GRIK2: variants seen among roughly 807,000 people sequenced by gnomAD.
The protein encoded by GRIK2 is glutamate ionotropic receptor kainate type subunit 2, also known as glutamate receptor ionotropic, kainate 2.
Under a neutral mutation model 100.3 loss-of-function variants are expected in GRIK2, and 32 were observed. The observed-to-expected ratio is 0.32, with a 90% CI of 0.24 to 0.43. GRIK2 has a LOEUF of 0.43. Ranked by LOEUF, GRIK2 falls within the 20% of genes least tolerant of loss-of-function variation. The pLI is 1.00. For synonymous variants in GRIK2, 417 were observed against 389.4 expected (o/e 1.07, Z -0.83); for missense variants, 843 against 1,114.9 (o/e 0.76, Z 3.47).
At chr6:102,025,771 TACGC>T (rs1769662289) in intron 14 of GRIK2, among the ~76,000 whole-genome samples, 1 of 151,284 alleles carries the variant, frequency 6.6e-6, no homozygotes, top group Admixed American at 6.6e-5. Context: ...TTGGTAAATC[TACGC>T]ACACACAGTG....
At position 101,724,806 on chromosome 6, in the gene GRIK2, A is replaced by G. The variant is rs188229425; in HGVS notation, c.951+38453A>G. On this transcript the variant is annotated intron_variant, in intron 7 of 16. Coordinates refer to ENST00000369134, the MANE Select transcript of GRIK2 (RefSeq NM_021956.5). ...ACCTAATTCAGTGACAGAATAAGTG[A>G]TATGCCTGAAAAATCTAAGAGTTCT... Among the ~76,000 whole-genome samples, 42 of 152,096 alleles carry G rather than the reference A, an allele frequency of 2.8e-4. No homozygotes were observed. In the East Asian group the frequency reaches 8.0e-3, roughly 29 times the overall value.
chr6:101,540,490 A>G (rs1775933045), intron 2 of GRIK2, among the ~76,000 whole-genome samples: 2 of 152,002 alleles, frequency 1.3e-5, no homozygotes, highest in Non-Finnish European at 2.9e-5. Context: ...TGCCTGAATC[A>G]AAACATCTCA....
chr6:101,446,280 A>ACTC (rs538411248), intron 2 of GRIK2, among the ~76,000 whole-genome samples: 6 of 151,854 alleles, frequency 4.0e-5, no homozygotes, highest in Admixed American at 6.6e-5. Context: ...TTAGAAGTAT[A>ACTC]CTCCTGATAG....
Position 101,445,946 on chromosome 6 carries a change from T to G in GRIK2, c.115+46554T>G, listed in dbSNP as rs114081616. ...ATACAGTTTTACATCTATAAGGCCC[T>G]AATATTATAATCATTCCATAGGCAC... On this transcript the variant is annotated intron_variant, in intron 2 of 16. Transcript: ENST00000369134. Among the ~76,000 whole-genome samples the G allele has an allele frequency of 9.6e-3, 1,467 of 152,176 alleles. 10 individuals carry two copies. The highest frequency in any genetic ancestry group is 0.031 in the African/African-American group (1,274 of 41,556).
At chr6:101,681,495 G>C (rs971308735) in intron 5 of GRIK2, among the ~76,000 whole-genome samples, 1 of 148,046 alleles carries the variant, frequency 6.8e-6, no homozygotes, top group Non-Finnish European at 1.5e-5. Flanking sequence ...TTGGTTTCCC[G>C]AAGTCCAGGG....
rs181276136 is a variant in GRIK2 at position 101,957,721 on chromosome 6, G to A, written c.2085+29089G>A. On this transcript the variant is annotated intron_variant, in intron 14 of 16. Coordinates refer to ENST00000369134, the MANE Select transcript of GRIK2 (RefSeq NM_021956.5). ...TAATTTGTATATGGTGAGAGATATGGATCTAGTTTCATTCCTCTATGTATG... is the reference window on the plus strand; with the variant it reads ...TAATTTGTATATGGTGAGAGATATGAATCTAGTTTCATTCCTCTATGTATG... Among the ~76,000 whole-genome samples the A allele has an allele frequency of 2.7e-3, 415 of 152,074 alleles. 2 individuals are homozygous for A. The highest frequency in any genetic ancestry group is 9.7e-3 in the African/African-American group (402 of 41,524).
chr6:101,980,043 T>C (rs1793620941), intron 14 of GRIK2, among the ~76,000 whole-genome samples: 1 of 151,732 alleles, frequency 6.6e-6, no homozygotes, highest in South Asian at 2.1e-4. Context: ...TTTGAAGGAG[T>C]GACATTTAAC....
Position 101,778,997 on chromosome 6 carries a change from T to C in GRIK2, c.952-20651T>C, listed in dbSNP as rs536370330. On this transcript the variant is annotated intron_variant, in intron 7 of 16. Coordinates refer to ENST00000369134, the MANE Select transcript of GRIK2 (RefSeq NM_021956.5). ...TCATAGAATCTATTATTTCTGTTTTTTATATTTGGAGATATTTTAATTATA... is the reference window on the plus strand; with the variant it reads ...TCATAGAATCTATTATTTCTGTTTTCTATATTTGGAGATATTTTAATTATA... 5.9e-5 allele frequency among the ~76,000 whole-genome samples: 9 copies of C among 152,172 alleles called. No individual in the cohort carries two copies. The South Asian group carries it at 1.7e-3, about 28-fold the overall frequency.
chr6:101,794,704 C>CT (rs1363617947), intron 7 of GRIK2, among the ~76,000 whole-genome samples: 1 of 151,134 alleles, frequency 6.6e-6, no homozygotes, highest in African/African-American at 2.4e-5. Flanking sequence ...TATTTTGAAT[C>CT]TTTTTTCAGG....
chr6:101,882,095 G>T (rs1369074013), intron 11 of GRIK2, among the ~76,000 whole-genome samples: 1 of 151,928 alleles, frequency 6.6e-6, no homozygotes, highest in Non-Finnish European at 1.5e-5. Flanking sequence ...GATCTCATGA[G>T]ACTTATTCAT....
chr6:101,404,717 A>G (rs1194040091), intron 2 of GRIK2, among the ~76,000 whole-genome samples: 2 of 152,194 alleles, frequency 1.3e-5, no homozygotes, highest in Admixed American at 6.5e-5. Context: ...ATTGTTTTTC[A>G]TTTGGGTAGT....
At position 101,963,632 on chromosome 6, in the gene GRIK2, G is replaced by A. The variant is rs148934742; in HGVS notation, c.2085+35000G>A. Among the ~76,000 whole-genome samples the A allele has an allele frequency of 5.2e-4, 79 of 150,922 alleles. No homozygotes were observed. The East Asian group carries it at 9.0e-3, about 17-fold the overall frequency. On this transcript the variant is annotated intron_variant, in intron 14 of 16. Transcript: ENST00000369134. ...CTCCCAAAGTGCTGGGATTACAGGC[G>A]TGAGCCACCGCGCCCGGCCACTTAT...
chr6:101,641,754 A>G (rs895395608), intron 4 of GRIK2, among the ~76,000 whole-genome samples: 1 of 151,996 alleles, frequency 6.6e-6, no homozygotes, highest in African/African-American at 2.4e-5. Flanking sequence ...ACACTATTGA[A>G]AAAGGATTCC....
chr6:101,637,351 A>G (rs1218941554), intron 4 of GRIK2, among the ~76,000 whole-genome samples: 1 of 152,092 alleles, frequency 6.6e-6, no homozygotes, highest in Non-Finnish European at 1.5e-5. Context: ...AACAAAAGCC[A>G]AACTCAGTAT....
chr6:101,864,347 T>G (rs1454008945), intron 11 of GRIK2, among the ~76,000 whole-genome samples: 1 of 152,170 alleles, frequency 6.6e-6, no homozygotes, highest in African/African-American at 2.4e-5. Flanking sequence ...CAGATCCCTC[T>G]GTAGATATTA....
At chr6:101,620,055 A>G (rs1355682342) in intron 2 of GRIK2, 2 of 152,228 alleles carry the variant, frequency 1.3e-5, no homozygotes, top group African/African-American at 4.8e-5. Context: ...CTTTATTGCA[A>G]TTCTATGCAG....
intron 7 of GRIK2, among the ~76,000 whole-genome samples, chr6:101,770,802 A>G (rs1206632885): frequency 6.6e-6 from 1 of 152,136 alleles, no homozygotes; most frequent in Admixed American, 6.6e-5. Context: ...TTCAAACAAA[A>G]TTCAGATCCA....
chr6:101,428,501 A>G (rs1316754058), intron 2 of GRIK2, among the ~76,000 whole-genome samples: 1 of 152,196 alleles, frequency 6.6e-6, no homozygotes, highest in Non-Finnish European at 1.5e-5. Flanking sequence ...ATTAAAGAAT[A>G]TCACATTCTA....
chr6:101,838,244 G>A (rs1783266259), intron 10 of GRIK2, among the ~76,000 whole-genome samples: 1 of 152,092 alleles, frequency 6.6e-6, no homozygotes, highest in Non-Finnish European at 1.5e-5. Context: ...ATTTTGGAGA[G>A]TCTTCATTTC....
Sources: gnomAD v4.1 joint callset for allele counts (sites outside exome capture counted in the v4.1 genomes callset) on GRCh38, gnomAD v4.1.1 for gene constraint, MANE v1.5 for transcripts, NCBI Gene and HGNC (gene_info 2026-07-23, HGNC 2026-07-21) for gene names.